Variants in MAOA observed in about 807,000 individuals in gnomAD.
MAOA encodes the protein monoamine oxidase A, also known as amine oxidase [flavin-containing] A.
Under a neutral mutation model 42.0 loss-of-function variants are expected in MAOA, and 6 were observed. The observed-to-expected ratio is 0.14, with a 90% CI of 0.08 to 0.28. The LOEUF (loss-of-function observed/expected upper bound fraction) is 0.28, where lower values mean the gene tolerates loss of function less well. Ranked by LOEUF, MAOA falls within the 10% of genes least tolerant of loss-of-function variation. The pLI, the probability that MAOA is intolerant of heterozygous loss-of-function variation, is 1.00. For synonymous variants in MAOA, 140 were observed against 154.0 expected (o/e 0.91, Z 0.67); for missense variants, 262 against 422.3 (o/e 0.62, Z 3.33).
intron 5 of MAOA, among the ~76,000 whole-genome samples, chrX:43,718,128 A>G (rs2033759046): frequency 9.4e-6 from 1 of 106,827 alleles, no homozygotes; most frequent in Non-Finnish European, 1.9e-5. Flanking sequence ...GGGTGGCAGA[A>G]GGTATGGGTG....
At chrX:43,699,361 T>A (rs1394771542) in intron 3 of MAOA, among the ~76,000 whole-genome samples, 2 of 109,099 alleles carry the variant, frequency 1.8e-5, no homozygotes, top group Non-Finnish European at 3.8e-5. Flanking sequence ...TCCATTTTTT[T>A]TTTTTTTTGC....
intron 11 of MAOA, 125 bp from the exon 12 acceptor site, chrX:43,741,825 A>G: frequency 8.9e-7 from 1 of 1,122,168 alleles, no homozygotes. Context: ...CCCTTAAGTG[A>G]GTTAGAAAAA....
intron 1 of MAOA, among the ~76,000 whole-genome samples, chrX:43,662,048 T>C (rs1429184421): frequency 8.9e-6 from 1 of 111,922 alleles, no homozygotes; most frequent in African/African-American, 3.2e-5. Context: ...TTTGCTGAAA[T>C]ATATCACCTG....
intron 1 of MAOA, among the ~76,000 whole-genome samples, chrX:43,668,399 T>G (rs984876642): frequency 2.0e-4 from 22 of 112,523 alleles, no homozygotes; most frequent in Non-Finnish European, 3.6e-4. Context: ...GTTGCAAATA[T>G]TTTCTTTTTA....
At chrX:43,675,714 C>G (rs1488133584) in intron 1 of MAOA, among the ~76,000 whole-genome samples, 2 of 112,145 alleles carry the variant, frequency 1.8e-5, no homozygotes, top group African/African-American at 3.2e-5. Context: ...CACTCCAGAC[C>G]CTGTTTGCCT....
In MAOA at chrX:43,744,506, G is replaced by A. The variant is rs1425528483; in HGVS notation, c.1577G>A (p.Arg526Gln). The A allele has an allele frequency of 1.1e-5, 13 of 1,208,138 alleles. No individual in the cohort carries two copies. Among genetic ancestry groups the A allele is most frequent in the African/African-American group, 1.8e-5 (1 of 56,836 alleles). ...FVLYKYKLLPRS is the reference protein window; with the variant it reads ...FVLYKYKLLPQS ...CTGTACAAATACAAGCTCCTGCCAC[G>A]GTCTTGAAGTTCTGTTCTTATGCTC... The change falls in exon 15 of 15, where the codon CGG (arginine) becomes CAG (glutamine). Residue 526 changes from arginine to glutamine, a missense_variant. By Grantham distance (43) the Arg-to-Gln change is conservative. Around this residue, in one of 3 missense-constraint regions of MAOA, gnomAD observed 35 missense variants for 36.4 expected, o/e 0.96. Coordinates refer to ENST00000338702, the MANE Select transcript of MAOA (RefSeq NM_000240.4).
At chrX:43,676,235 G>A (rs1159245070) in intron 1 of MAOA, among the ~76,000 whole-genome samples, 3 of 112,087 alleles carry the variant, frequency 2.7e-5, no homozygotes, top group Non-Finnish European at 5.6e-5. Flanking sequence ...CATGGGCGTA[G>A]GACCCTCTGA....
chrX:43,667,195 C>T (rs1406158811), intron 1 of MAOA, among the ~76,000 whole-genome samples: 1 of 111,275 alleles, frequency 9.0e-6, no homozygotes, highest in Non-Finnish European at 1.9e-5. Context: ...ACTGATGATC[C>T]TGTGTAAAAG....
rs1569203097 is a variant in MAOA at position 43,744,417 on chromosome X, C to G, written c.1488C>G (p.Pro496=). The G allele has an allele frequency of 2.5e-6, 3 of 1,209,995 alleles. No homozygotes were observed. Among genetic ancestry groups the G allele is most frequent in the Non-Finnish European group, 3.4e-6 (3 of 894,300 alleles). The change falls in exon 15 of 15, where the codon CCC becomes CCG. Residue 496 remains proline (P), a synonymous_variant. Transcript: ENST00000338702. The part of the protein sequence containing the change: ...ITHTFWERNL[P]SVSGLLKIIG... ...ACACCTTCTGGGAAAGGAACCTGCCCTCTGTTTCTGGCCTGCTGAAGATCA... is the reference window on the plus strand; with the variant it reads ...ACACCTTCTGGGAAAGGAACCTGCCGTCTGTTTCTGGCCTGCTGAAGATCA...
At chrX:43,697,438 T>C (rs963759027) in intron 3 of MAOA, among the ~76,000 whole-genome samples, 1 of 112,151 alleles carries the variant, frequency 8.9e-6, no homozygotes, top group African/African-American at 3.2e-5. Context: ...TGGTTATTGT[T>C]TGATGGATGC....
chrX:43,710,132 G>A (rs969715709), intron 3 of MAOA, among the ~76,000 whole-genome samples: 4 of 112,120 alleles, frequency 3.6e-5, no homozygotes, highest in African/African-American at 1.3e-4. Flanking sequence ...AATATCAATA[G>A]CGCTTGCCTT....
intron 5 of MAOA, among the ~76,000 whole-genome samples, chrX:43,724,547 G>A (rs1460444955): frequency 9.0e-6 from 1 of 110,810 alleles, no homozygotes; most frequent in Non-Finnish European, 1.9e-5. Flanking sequence ...TTTTTTTATT[G>A]TGTATATTTG....
At chrX:43,717,776 C>A (rs2033756168) in intron 5 of MAOA, among the ~76,000 whole-genome samples, 1 of 108,494 alleles carries the variant, frequency 9.2e-6, no homozygotes, top group African/African-American at 3.4e-5. Flanking sequence ...ACCCACAGGG[C>A]AGAAGGTAGA....
intron 7 of MAOA, 34 bp from the exon 8 acceptor site, chrX:43,731,660 A>G (rs2033882181): frequency 8.4e-7 from 1 of 1,189,011 alleles, no homozygotes; most frequent in South Asian, 1.8e-5. Flanking sequence ...TGCAGCTCAC[A>G]TTTGAGGTAA....
intron 1 of MAOA, among the ~76,000 whole-genome samples, chrX:43,675,148 GC>G (rs2033382109): frequency 1.8e-5 from 2 of 111,149 alleles, no homozygotes; most frequent in Admixed American, 9.6e-5. Flanking sequence ...TTCTTTTTAT[GC>G]TTTTTTCTCT....
chrX:43,681,777 A>G (rs1371615827), intron 1 of MAOA, among the ~76,000 whole-genome samples: 3 of 109,825 alleles, frequency 2.7e-5, no homozygotes, highest in Admixed American at 9.8e-5. Flanking sequence ...AAGTATAATG[A>G]GAAGTATAAA....
chrX:43,728,370 C>T, intron 6 of MAOA, 56 bp downstream of exon 6: 1 of 1,141,644 alleles, frequency 8.8e-7, no homozygotes, highest in Non-Finnish European at 1.2e-6. Context: ...ATTTTGCTTT[C>T]TCCCAGGGCA....
At chrX:43,723,036 T>C (rs1289455054) in intron 5 of MAOA, among the ~76,000 whole-genome samples, 1 of 111,251 alleles carries the variant, frequency 9.0e-6, no homozygotes, top group Non-Finnish European at 1.9e-5. Flanking sequence ...TTCTGTTCCA[T>C]TGGTCTATAT....
intron 2 of MAOA, among the ~76,000 whole-genome samples, chrX:43,685,587 G>A (rs1190876434): frequency 9.0e-6 from 1 of 111,676 alleles, no homozygotes; most frequent in African/African-American, 3.3e-5. Context: ...TTTAGATACA[G>A]GGATGTATCT....
Sources: allele counts gnomAD v4.1 joint callset (sites outside exome capture counted in the v4.1 genomes callset), GRCh38; gene constraint gnomAD v4.1.1; regional missense constraint gnomAD v4.1.1; transcripts MANE v1.5; gene names NCBI Gene and HGNC (gene_info 2026-07-23, HGNC 2026-07-21).